The following OSBPL10 variants were observed in gnomAD, a reference collection of about 807,000 sequenced individuals.
OSBPL10 encodes the protein oxysterol-binding protein-related protein 10.
A neutral mutation model predicts 81.7 loss-of-function variants in OSBPL10; 49 were observed. That is an observed-to-expected ratio of 0.60 (90% confidence interval 0.48 to 0.76). OSBPL10 has a LOEUF of 0.76. OSBPL10 is among the 30% of genes least tolerant of loss of function. OSBPL10 has a pLI of 0.00. For missense variants in OSBPL10, 923 were observed against 987.8 expected (o/e 0.93, Z 0.88); for synonymous variants, 419 against 383.6 (o/e 1.09, Z -1.08).
At chr3:31,947,333 A>G (rs1277116764) in intron 1 of OSBPL10, among the ~76,000 whole-genome samples, 2 of 152,138 alleles carry the variant, frequency 1.3e-5, no homozygotes, top group Admixed American at 6.5e-5. Flanking sequence ...CACATCACCA[A>G]AGCTGGAGGT....
At chr3:31,904,402 G>C (rs1575608013) in intron 1 of OSBPL10, among the ~76,000 whole-genome samples, 1 of 152,116 alleles carries the variant, frequency 6.6e-6, no homozygotes, top group Non-Finnish European at 1.5e-5. Flanking sequence ...ACCAGACCAG[G>C]CTGCCACAAA....
At chr3:31,844,891 T>A (rs376203055) in intron 3 of OSBPL10, among the ~76,000 whole-genome samples, 1 of 152,090 alleles carries the variant, frequency 6.6e-6, no homozygotes, top group Non-Finnish European at 1.5e-5. Context: ...CTGGGCAACA[T>A]AGCAAGACCC....
intron 5 of OSBPL10, among the ~76,000 whole-genome samples, chr3:31,745,983 T>A (rs1006351857): frequency 2.6e-5 from 4 of 152,228 alleles, no homozygotes; most frequent in African/African-American, 7.2e-5. Context: ...CATTCCTTCA[T>A]TAATTAAGTG....
intron 2 of OSBPL10, among the ~76,000 whole-genome samples, chr3:31,996,924 C>A (rs1435669536): frequency 6.6e-6 from 1 of 152,150 alleles, no homozygotes; most frequent in African/African-American, 2.4e-5. Context: ...CAAGCTTCTA[C>A]CCTTCTTCCC....
At chr3:32,055,514 A>G (rs1373160432) in intron 1 of OSBPL10, among the ~76,000 whole-genome samples, 1 of 152,140 alleles carries the variant, frequency 6.6e-6, no homozygotes, top group African/African-American at 2.4e-5. Flanking sequence ...TTAGTAAAGT[A>G]TACTCCTATA....
intron 1 of OSBPL10, among the ~76,000 whole-genome samples, chr3:32,051,187 C>G (rs1263078814): frequency 6.6e-6 from 1 of 151,256 alleles, no homozygotes; most frequent in African/African-American, 2.4e-5. Flanking sequence ...TAATTTCTAA[C>G]AGGCTGGGAC....
At chr3:32,051,921 T>C (rs969536046) in intron 1 of OSBPL10, among the ~76,000 whole-genome samples, 3 of 152,152 alleles carry the variant, frequency 2.0e-5, no homozygotes, top group Non-Finnish European at 2.9e-5. Flanking sequence ...TCACATGACT[T>C]TAGTAAGCTT....
At position 31,956,856 on chromosome 3, in the gene OSBPL10, G is replaced by A. The variant is rs571330051; in HGVS notation, c.281+24043C>T. On this transcript the variant is annotated intron_variant, in intron 1 of 11. Transcript: ENST00000396556. ...CTCATTCAAAAGCCACATTGGGCCG[G>A]GTGTGGTGGCTCAAGCCTGTAATCT... Among the ~76,000 whole-genome samples the A allele has an allele frequency of 5.3e-5, 8 of 152,274 alleles. 1 individual carries two copies. Among genetic ancestry groups the A allele is most frequent in the African/African-American group, 1.9e-4 (8 of 41,554 alleles).
At chr3:32,024,603 G>GC (rs535308132) in intron 2 of OSBPL10, among the ~76,000 whole-genome samples, 10 of 147,872 alleles carry the variant, frequency 6.8e-5, no homozygotes, top group Admixed American at 2.8e-4. Context: ...TCCTGCCTCA[G>GC]CCCCCCCAGT....
intron 1 of OSBPL10, among the ~76,000 whole-genome samples, chr3:31,890,038 C>T (rs987812804): frequency 9.2e-5 from 14 of 151,926 alleles, no homozygotes; most frequent in Non-Finnish European, 1.9e-4. Flanking sequence ...GACTCTCAAC[C>T]TACACCTAGA....
intron 1 of OSBPL10, among the ~76,000 whole-genome samples, chr3:31,905,257 C>A (rs1343511344): frequency 2.6e-5 from 4 of 151,482 alleles, no homozygotes; most frequent in South Asian, 4.2e-4. Flanking sequence ...ATTTCCTAGT[C>A]CTCAAGTCAC....
intron 1 of OSBPL10, among the ~76,000 whole-genome samples, chr3:31,951,812 C>A (rs575107133): frequency 6.6e-6 from 1 of 152,042 alleles, no homozygotes; most frequent in South Asian, 2.1e-4. Flanking sequence ...GATAACTTTA[C>A]ACATCCAGTT....
intron 1 of OSBPL10, among the ~76,000 whole-genome samples, chr3:31,928,522 C>G (rs1697142348): frequency 1.6e-5 from 2 of 125,772 alleles, no homozygotes; most frequent in Non-Finnish European, 1.7e-5. Context: ...TGCCTGTAAT[C>G]CCAGCACTTT....
intron 1 of OSBPL10, among the ~76,000 whole-genome samples, chr3:31,954,069 C>A (rs1697944320): frequency 6.6e-6 from 1 of 152,204 alleles, no homozygotes; most frequent in Non-Finnish European, 1.5e-5. Context: ...AAATCCTCAA[C>A]AACAAAAATC....
rs939733836 is a variant in OSBPL10 at position 31,729,461 on chromosome 3, G to A, written c.1095+3796C>T. Among the ~76,000 whole-genome samples, 7 of 152,216 alleles carry A rather than the reference G, an allele frequency of 4.6e-5. No individual in the cohort carries two copies. The East Asian group carries it at 9.7e-4, about 21-fold the overall frequency. ...GGAGGAGACAGAGTCTTACTCTGTC[G>A]CCCAGGCTGGAGTGGAGTGGCACAA... is the stretch of plus-strand genomic sequence containing the variant. On this transcript the variant is annotated intron_variant, in intron 6 of 11. Coordinates refer to ENST00000396556, the MANE Select transcript of OSBPL10 (RefSeq NM_017784.5).
chr3:31,811,030 C>A (rs984488872), intron 4 of OSBPL10, among the ~76,000 whole-genome samples: 1 of 152,126 alleles, frequency 6.6e-6, no homozygotes, highest in African/African-American at 2.4e-5. Context: ...AAAACCCAAA[C>A]CGAAACTAAC....
At chr3:32,035,375 A>C (rs1261298960) in intron 2 of OSBPL10, among the ~76,000 whole-genome samples, 1 of 152,112 alleles carries the variant, frequency 6.6e-6, no homozygotes, top group Non-Finnish European at 1.5e-5. Context: ...CAGCTTGGCC[A>C]ACATGACAAA....
chr3:32,055,235 G>C (rs1201456091), intron 1 of OSBPL10, among the ~76,000 whole-genome samples: 1 of 105,238 alleles, frequency 9.5e-6, no homozygotes, highest in East Asian at 3.3e-4. Context: ...ACGGAGTCTC[G>C]CTCTGTCGCC....
At chr3:31,895,441 CT>C (rs1485164878) in intron 1 of OSBPL10, among the ~76,000 whole-genome samples, 12 of 151,850 alleles carry the variant, frequency 7.9e-5, no homozygotes, top group Non-Finnish European at 1.5e-4. Context: ...CCAGCCCAGA[CT>C]TTTTTTAAAC....
Sources: gnomAD v4.1 joint callset for allele counts (sites outside exome capture counted in the v4.1 genomes callset) on GRCh38, gnomAD v4.1.1 for gene constraint, MANE v1.5 for transcripts, NCBI Gene and HGNC (gene_info 2026-07-23, HGNC 2026-07-21) for gene names.